FOXN1: variants seen among roughly 807,000 people sequenced by gnomAD.
FOXN1 encodes the protein forkhead box N1.
Under a neutral mutation model 49.0 loss-of-function variants are expected in FOXN1, and 15 were observed. The observed-to-expected ratio is 0.31, with a 90% CI of 0.20 to 0.47. FOXN1 has a LOEUF of 0.47. Ranked by LOEUF, FOXN1 falls within the 20% of genes least tolerant of loss-of-function variation. The pLI, the probability that FOXN1 is intolerant of heterozygous loss-of-function variation, is 1.00. For synonymous variants in FOXN1, 356 were observed against 369.0 expected, an observed-to-expected ratio of 0.96 and a Z score of 0.40; for missense variants, 800 against 842.8, an observed-to-expected ratio of 0.95 and a Z score of 0.63.
intron 1 of FOXN1, among the ~76,000 whole-genome samples, chr17:28,513,063 A>G (rs1436592762): frequency 2.0e-5 from 3 of 152,148 alleles, no homozygotes; most frequent in Non-Finnish European, 2.9e-5. Context: ...TCTACAAAAT[A>G]AACATCCCCA....
chr17:28,518,180 C>T (rs2069570278), intron 1 of FOXN1, among the ~76,000 whole-genome samples: 1 of 152,134 alleles, frequency 6.6e-6, no homozygotes, highest in Admixed American at 6.5e-5. Flanking sequence ...TCCATACCTC[C>T]ATAGGGTACA....
In FOXN1 at chr17:28,524,014, C is replaced by T. The variant is rs1193872231; in HGVS notation, c.45C>T (p.Gly15=). 1 of 1,612,754 alleles carries T rather than the reference C, an allele frequency of 6.2e-7. No homozygotes were observed. Among genetic ancestry groups the T allele is most frequent in the Non-Finnish European group, 8.5e-7 (1 of 1,179,810 alleles). The change falls in exon 2 of 9, where the codon GGC becomes GGT. Residue 15 remains glycine (G), a synonymous_variant. Transcript: ENST00000579795. Reference sequence around the variant, plus strand: ...CGCAGTCTGACGTCACGCTGCCGGGCCCCACCAGACTGGAGGGCGAGCGCC... The same window carrying T: ...CGCAGTCTGACGTCACGCTGCCGGGTCCCACCAGACTGGAGGGCGAGCGCC... ...PPPQSDVTLP[G]PTRLEGERQG...
At position 28,534,022 on chromosome 17, in the gene FOXN1, C is replaced by A. The variant is rs984411950; in HGVS notation, c.928-309C>A. 6.6e-6 allele frequency among the ~76,000 whole-genome samples: 1 copy of A among 152,140 alleles called. No individual in the cohort carries two copies. The highest frequency in any genetic ancestry group is 6.5e-5 in the Admixed American group (1 of 15,278). ...GGGAGAGTGTTGTGGGTCAGAAGGCCTCTGTAGCGCCCACCAGCCCTGGCT... is the reference window on the plus strand; with the variant it reads ...GGGAGAGTGTTGTGGGTCAGAAGGCATCTGTAGCGCCCACCAGCCCTGGCT... On this transcript the variant is annotated intron_variant, in intron 6 of 8. Coordinates refer to ENST00000579795, the MANE Select transcript of FOXN1 (RefSeq NM_001369369.1). This position sits in a 1 kb window ranked among gnomAD's most constrained non-coding sequence, Gnocchi z 4.1.
Position 28,524,580 on chromosome 17 carries a change from C to A in FOXN1, c.201C>A (p.Ser67Arg). The change falls in exon 3 of 9, where the codon AGC becomes AGA. Residue 67 changes from serine (S) to arginine (R), a missense_variant. Coordinates refer to ENST00000579795, the MANE Select transcript of FOXN1 (RefSeq NM_001369369.1). ...GGACACCCTCACTGCCCCCACACAG[C>A]CCCCGCATTGCGTCACCAGGGCCCG... ...PERTPSLPPH[S>R]PRIASPGPEQ... 1.2e-6 allele frequency: 2 copies of A among 1,613,632 alleles called. No homozygotes were observed. Among genetic ancestry groups the A allele is most frequent in the Non-Finnish European group, 1.7e-6 (2 of 1,179,972 alleles).
chr17:28,534,973 C>T lies in FOXN1; in HGVS notation c.1402C>T (p.Pro468Ser), dbSNP rs1479217897. The T allele has an allele frequency of 6.2e-7, 1 of 1,614,098 alleles. No homozygotes were observed. Among genetic ancestry groups the T allele is most frequent in the Admixed American group, 1.7e-5 (1 of 60,034 alleles). The part of the protein sequence containing the change: ...LSPGLAPPGP[P>S]QPLFPQPDGH... Reference sequence around the variant, plus strand: ...ACCAGGCCTGGCCCCTCCTGGACCCCCGCAGCCATTGTTCCCACAGCCGGA... The same window carrying T: ...ACCAGGCCTGGCCCCTCCTGGACCCTCGCAGCCATTGTTCCCACAGCCGGA... The change falls in exon 8 of 9, where the codon CCG becomes TCG. Residue 468 changes from proline (P) to serine (S), a missense_variant. Transcript: ENST00000579795. The surrounding 1 kb of genome is among the most constrained non-coding windows in gnomAD (Gnocchi z 4.1).
chr17:28,512,913 G>A (rs2069422947), intron 1 of FOXN1, among the ~76,000 whole-genome samples: 1 of 152,204 alleles, frequency 6.6e-6, no homozygotes, highest in African/African-American at 2.4e-5. Context: ...TAAGGAGTAG[G>A]AAGAACCCAG....
rs535528022 is a variant in FOXN1, at chr17:28,529,065, A to C, written c.700-29A>C. ...TCCTGGGAAAGGCTGGGTACCATGC[A>C]ATCACTCTGCCCCTTTTGACCTCCT... On this transcript the variant is annotated intron_variant, in intron 4 of 8. Transcript: ENST00000579795. 13 of 1,613,766 alleles carry C rather than the reference A, an allele frequency of 8.1e-6. No individual in the cohort carries two copies. In the African/African-American group the frequency reaches 1.1e-4, roughly 13 times the overall value.
At chr17:28,523,783 G>A (rs1196646936) in intron 1 of FOXN1, among the ~76,000 whole-genome samples, 173 bp from the exon 2 acceptor site, 3 of 134,234 alleles carry the variant, frequency 2.2e-5, no homozygotes, top group East Asian at 2.2e-4. Flanking sequence ...TCTCTCTCTC[G>A]CTCTCTGGTT....
intron 1 of FOXN1, among the ~76,000 whole-genome samples, chr17:28,521,519 C>T (rs1468881568): frequency 3.9e-5 from 6 of 152,254 alleles, no homozygotes; most frequent in African/African-American, 1.4e-4. Context: ...GTGGGCTGCC[C>T]CGCACCTCGG....
Position 28,538,414 on chromosome 17 carries a change from C to G in FOXN1, c.*978C>G, listed in dbSNP as rs771422936. On this transcript the variant is annotated 3_prime_UTR_variant, in exon 9 of 9. Transcript: ENST00000579795. ...AAAAGCAATACACATTCAGTATGTT[C>G]CTCGACTTAGGATGCGGTTATGTCC... 5.9e-5 allele frequency: 9 copies of G among 152,230 alleles called. No individual in the cohort carries two copies. The highest frequency in any genetic ancestry group is 1.3e-4 in the Non-Finnish European group (9 of 68,046). 9.4% of individuals were successfully genotyped at this position (152,230 alleles called of 1,614,324 possible).
intron 1 of FOXN1, among the ~76,000 whole-genome samples, chr17:28,515,806 C>T (rs946188052): frequency 2.6e-5 from 4 of 151,652 alleles, no homozygotes; most frequent in African/African-American, 7.3e-5. Flanking sequence ...ACACCATTCC[C>T]CAGGTGTATA....
In FOXN1 at chr17:28,524,849, C is replaced by A; in HGVS notation, c.470C>A (p.Ala157Asp). The A allele has an allele frequency of 6.2e-7, 1 of 1,613,786 alleles. No homozygotes were observed. The highest frequency in any genetic ancestry group is 1.1e-5 in the South Asian group (1 of 91,078). The stretch of plus-strand genomic sequence containing the variant: ...TTTAAGACCCCAGGGCCGCTGGAGG[C>A]CTTCGAGGAGATCCCAGTGGACGTG... ...HSFKTPGPLEAFEEIPVDVAE... is the reference protein window; with the variant it reads ...HSFKTPGPLEDFEEIPVDVAE... The change falls in exon 3 of 9, where the codon GCC (alanine) becomes GAC (aspartate). Residue 157 changes from alanine (A) to aspartate (D), a missense_variant. Ala to Asp is a moderately radical substitution (Grantham distance 126). Coordinates refer to ENST00000579795, the MANE Select transcript of FOXN1 (RefSeq NM_001369369.1).
intron 3 of FOXN1, among the ~76,000 whole-genome samples, 186 bp from the exon 4 acceptor site, chr17:28,527,065 G>T (rs930024598): frequency 6.6e-6 from 1 of 152,124 alleles, no homozygotes; most frequent in African/African-American, 2.4e-5. Context: ...TTCCAGCCCC[G>T]GCTCTACCAC....
At chr17:28,517,885 C>A (rs1229661898) in intron 1 of FOXN1, among the ~76,000 whole-genome samples, 1 of 146,596 alleles carries the variant, frequency 6.8e-6, no homozygotes, top group African/African-American at 2.6e-5. Flanking sequence ...ACAGGGTACA[C>A]ACCTCCACAG....
chr17:28,534,529 G>A lies in FOXN1; in HGVS notation c.1126G>A (p.Ala376Thr). 1 of 1,613,232 alleles carries A rather than the reference G, an allele frequency of 6.2e-7. No individual in the cohort carries two copies. Among genetic ancestry groups the A allele is most frequent in the Non-Finnish European group, 8.5e-7 (1 of 1,179,898 alleles). ...KDPIAVRKSMAKPEELDSLIG... is the reference protein window; with the variant it reads ...KDPIAVRKSMTKPEELDSLIG... ...TCCCATTGCTGTGCGCAAAAGCATGGCCAAGCCAGGTGAGGCCGGCCGGGC... is the reference window on the plus strand; with the variant it reads ...TCCCATTGCTGTGCGCAAAAGCATGACCAAGCCAGGTGAGGCCGGCCGGGC... Residue 376 changes from alanine to threonine, a missense_variant, in exon 7 of 9, where the codon GCC becomes ACC. By Grantham distance (58) the Ala-to-Thr change is moderately conservative. Around this residue, in one of 3 missense-constraint regions of FOXN1, gnomAD observed 344 missense variants for 366.1 expected, o/e 0.94. Coordinates refer to ENST00000579795, the MANE Select transcript of FOXN1 (RefSeq NM_001369369.1). This position sits in a 1 kb window ranked among gnomAD's most constrained non-coding sequence, Gnocchi z 4.1.
chr17:28,512,628 G>A (rs958012986), intron 1 of FOXN1, among the ~76,000 whole-genome samples: 1 of 152,338 alleles, frequency 6.6e-6, no homozygotes, highest in South Asian at 2.1e-4. Flanking sequence ...GTGGAGGTGG[G>A]AGAACCTTCT....
chr17:28,529,586 T>G (rs756149861), intron 5 of FOXN1, among the ~76,000 whole-genome samples: 13 of 152,134 alleles, frequency 8.5e-5, no homozygotes, highest in Non-Finnish European at 1.9e-4. Flanking sequence ...GAAGCCCCCC[T>G]CAAAGCTCTA....
chr17:28,513,590 C>A (rs892369226), intron 1 of FOXN1, among the ~76,000 whole-genome samples: 1 of 152,246 alleles, frequency 6.6e-6, no homozygotes, highest in African/African-American at 2.4e-5. Flanking sequence ...TAGGAAGGGC[C>A]TGTGGTCCTG....
intron 1 of FOXN1, among the ~76,000 whole-genome samples, chr17:28,509,920 C>T (rs1173580624): frequency 6.6e-6 from 1 of 152,156 alleles, no homozygotes; most frequent in Non-Finnish European, 1.5e-5. Context: ...GGGTCTCTAC[C>T]CTGCCTGTGG....
Sources: allele counts gnomAD v4.1 joint callset (sites outside exome capture counted in the v4.1 genomes callset), GRCh38; gene constraint gnomAD v4.1.1; regional missense constraint gnomAD v4.1.1; non-coding constraint Gnocchi (gnomAD v3.1); transcripts MANE v1.5; gene names NCBI Gene and HGNC (gene_info 2026-07-23, HGNC 2026-07-21).